DLG2: variants seen among roughly 807,000 people sequenced by gnomAD.
DLG2 encodes disks large homolog 2.
DLG2 carries 45 observed loss-of-function variants against 132.5 expected under a neutral mutation model. That is an observed-to-expected ratio of 0.34 (90% CI 0.27 to 0.44). DLG2 has a LOEUF of 0.44. Among genes scored for constraint, DLG2 ranks in the 20% least tolerant of loss-of-function variants. The pLI is 1.00. For synonymous variants in DLG2, 424 were observed against 419.6 expected, an observed-to-expected ratio of 1.01 and a Z score of -0.13; for missense variants, 1,045 against 1,196.9, an observed-to-expected ratio of 0.87 and a Z score of 1.87.
chr11:85,103,611 A>C (rs2071233364), intron 6 of DLG2, among the ~76,000 whole-genome samples: 1 of 151,950 alleles, frequency 6.6e-6, no homozygotes, highest in African/African-American at 2.4e-5. Flanking sequence ...AAGAGCTAAA[A>C]CTATAAAACT....
chr11:84,933,839 T>C (rs1194453080), intron 6 of DLG2, among the ~76,000 whole-genome samples: 2 of 152,362 alleles, frequency 1.3e-5, no homozygotes, highest in African/African-American at 4.8e-5. Flanking sequence ...TCTTCCTGTC[T>C]GGATGCACTT....
At chr11:85,046,038 A>C (rs568272368) in intron 6 of DLG2, among the ~76,000 whole-genome samples, 9 of 152,146 alleles carry the variant, frequency 5.9e-5, no homozygotes, top group African/African-American at 1.9e-4. Flanking sequence ...AGGAAGCACC[A>C]AACTGCAACC....
intron 9 of DLG2, among the ~76,000 whole-genome samples, chr11:84,121,563 TTTTTTTTTTTTTTTTTG>T (rs2093915869): frequency 9.5e-6 from 1 of 105,594 alleles, no homozygotes; most frequent in Admixed American, 9.7e-5. Flanking sequence ...TTTTTTTTTT[TTTTTTTTTTTTTTTTTG>T]AGACGGAGTC....
chr11:85,158,455 G>A (rs970245540), intron 4 of DLG2, among the ~76,000 whole-genome samples: 1 of 152,176 alleles, frequency 6.6e-6, no homozygotes, highest in Non-Finnish European at 1.5e-5. Flanking sequence ...TGGGATGGTG[G>A]AGTGGATTAG....
At chr11:85,007,664 C>CAAAAAA (rs57188165) in intron 6 of DLG2, among the ~76,000 whole-genome samples, 47 of 88,518 alleles carry the variant, frequency 5.3e-4, no homozygotes, top group Non-Finnish European at 8.9e-4. Context: ...GACTCCGTCT[C>CAAAAAA]AAAAAAAAAA....
At chr11:84,227,921 A>C (rs937149744) in intron 8 of DLG2, among the ~76,000 whole-genome samples, 7 of 151,662 alleles carry the variant, frequency 4.6e-5, no homozygotes, top group Non-Finnish European at 7.4e-5. Context: ...CTCAAAAAAA[A>C]AAAAAAAAAA....
chr11:84,320,206 T>C (rs1177612599), intron 7 of DLG2, among the ~76,000 whole-genome samples: 5 of 152,202 alleles, frequency 3.3e-5, no homozygotes, highest in African/African-American at 4.8e-5. Context: ...TTGAACTCTC[T>C]TTGACCTGGC....
At chr11:84,363,255 A>G (rs1226624) in intron 7 of DLG2, among the ~76,000 whole-genome samples, 152,116 of 152,120 alleles carry the variant, frequency 1, 76,056 homozygotes, top group Middle Eastern at 1. Flanking sequence ...TTTCTCTGAT[A>G]GCCAGTGATG....
chr11:84,316,818 G>A (rs2098362039), intron 7 of DLG2: 1 of 1,600,958 alleles, frequency 6.2e-7, no homozygotes, highest in African/African-American at 1.3e-5. Context: ...ATAAGGAAAA[G>A]GCTCACCTGT....
chr11:85,194,596 C>T (rs1015680552), intron 4 of DLG2, among the ~76,000 whole-genome samples: 12 of 151,556 alleles, frequency 7.9e-5, no homozygotes, highest in Non-Finnish European at 1.5e-4. Flanking sequence ...TTCCGCACTC[C>T]CCTCACCCCC....
At chr11:85,604,602 C>A (rs894392115) in intron 2 of DLG2, among the ~76,000 whole-genome samples, 8 of 151,718 alleles carry the variant, frequency 5.3e-5, no homozygotes, top group Non-Finnish European at 1.0e-4. Flanking sequence ...CTTCATTAAA[C>A]TCTACCTTCA....
chr11:85,249,515 G>T lies in DLG2; in HGVS notation c.186+35705C>A, dbSNP rs111777127. Among the ~76,000 whole-genome samples the T allele has an allele frequency of 8.9e-3, 1,350 of 152,140 alleles. 21 individuals are homozygous for T. Among genetic ancestry groups the T allele is most frequent in the African/African-American group, 0.031 (1,283 of 41,520 alleles). On this transcript the variant is annotated intron_variant, in intron 4 of 27. Coordinates refer to ENST00000376104, the MANE Select transcript of DLG2 (RefSeq NM_001142699.3). ...GGCTTAAAATCTAATTGTTCTATGA[G>T]AATTGTATGTTGACCTATATAACAA... is the stretch of plus-strand genomic sequence containing the variant.
chr11:84,215,306 A>T (rs2096821789), intron 8 of DLG2, among the ~76,000 whole-genome samples: 1 of 152,228 alleles, frequency 6.6e-6, no homozygotes, highest in Admixed American at 6.5e-5. Flanking sequence ...ATGAAGGATA[A>T]TCCAGAAATC....
intron 3 of DLG2, among the ~76,000 whole-genome samples, chr11:85,484,163 C>G (rs1005865170): frequency 6.9e-6 from 1 of 144,508 alleles, no homozygotes; most frequent in African/African-American, 2.6e-5. Flanking sequence ...GCGCAGTCCG[C>G]CCGGAGGATT....
intron 19 of DLG2, among the ~76,000 whole-genome samples, chr11:83,587,270 C>CTT (rs1054678122): frequency 1.4e-5 from 2 of 145,170 alleles, no homozygotes; most frequent in Non-Finnish European, 3.0e-5. Context: ...GAATTTGCTA[C>CTT]TTTTTTTTTT....
At chr11:83,675,468 C>A (rs1251169207) in intron 18 of DLG2, among the ~76,000 whole-genome samples, 3 of 152,120 alleles carry the variant, frequency 2.0e-5, no homozygotes, top group Non-Finnish European at 4.4e-5. Context: ...CTTCTCTGAG[C>A]AGGTTTAATC....
intron 11 of DLG2, among the ~76,000 whole-genome samples, chr11:84,031,939 CAT>C (rs1368268757): frequency 6.6e-6 from 1 of 152,048 alleles, no homozygotes; most frequent in Non-Finnish European, 1.5e-5. Flanking sequence ...GATATAGTAA[CAT>C]GTGATCAGTG....
chr11:83,532,806 A>T, intron 20 of DLG2, 23 bp from the exon 21 acceptor site: 4 of 1,604,486 alleles, frequency 2.5e-6, no homozygotes, highest in Non-Finnish European at 3.4e-6. Flanking sequence ...GAGAATAAAG[A>T]GTCTCTCACG....
At chr11:85,541,465 A>G (rs1005148556) in intron 3 of DLG2, among the ~76,000 whole-genome samples, 2 of 151,020 alleles carry the variant, frequency 1.3e-5, no homozygotes, top group African/African-American at 2.4e-5. Context: ...GATAATGAGT[A>G]TTATTATTTA....
Sources: gnomAD v4.1 joint callset for allele counts (sites outside exome capture counted in the v4.1 genomes callset) on GRCh38, gnomAD v4.1.1 for gene constraint, MANE v1.5 for transcripts, NCBI Gene and HGNC (gene_info 2026-07-23, HGNC 2026-07-21) for gene names.